CCSER2: variants seen among roughly 807,000 people sequenced by gnomAD.
The protein encoded by CCSER2 is serine-rich coiled-coil domain-containing protein 2.
CCSER2 carries 46 observed loss-of-function variants against 92.3 expected under a neutral mutation model. The observed-to-expected ratio is 0.50, with a 90% CI of 0.39 to 0.64. The LOEUF (loss-of-function observed/expected upper bound fraction) is 0.64, where lower values mean the gene tolerates loss of function less well. Among genes scored for constraint, CCSER2 ranks in the 30% least tolerant of loss-of-function variants. CCSER2 has a pLI of 0.00. For missense variants in CCSER2, 1,244 were observed against 1,238.9 expected (o/e 1.00, Z -0.06); for synonymous variants, 433 against 431.4 (o/e 1.00, Z -0.04).
rs1336775918 is a variant in CCSER2, at chr10:84,513,509, C to G, written c.2386C>G (p.Leu796Val). 2 of 1,614,048 alleles carry G rather than the reference C, an allele frequency of 1.2e-6. No homozygotes were observed. The highest frequency in any genetic ancestry group is 1.7e-5 in the Admixed American group (1 of 59,992). Residue 796 changes from leucine to valine, a missense_variant, in exon 10 of 10, where the codon CTA (leucine) becomes GTA (valine). By Grantham distance (32) the Leu-to-Val change is conservative (BLOSUM62 1). Coordinates refer to ENST00000372088, the MANE Select transcript of CCSER2 (RefSeq NM_001284240.2). ...ACCCACAGATCACACCCAGGGAAAACTAATAAAGCCACAACGTATCGAGGC... is the reference window on the plus strand; with the variant it reads ...ACCCACAGATCACACCCAGGGAAAAGTAATAAAGCCACAACGTATCGAGGC... ...PRPTDHTQGK[L>V]IKPQRIEARS...
chr10:84,443,143 AAATGGGATCT>A (rs1202960746), intron 6 of CCSER2, among the ~76,000 whole-genome samples: 1 of 152,248 alleles, frequency 6.6e-6, no homozygotes, highest in African/African-American at 2.4e-5. Context: ...CAAAATTGAC[AAATGGGATCT>A]AATTAAACTA....
At chr10:84,367,707 CTT>C (rs71013317) in intron 1 of CCSER2, among the ~76,000 whole-genome samples, 2 of 141,450 alleles carry the variant, frequency 1.4e-5, no homozygotes, top group African/African-American at 5.2e-5. Flanking sequence ...CTTTTCCTTG[CTT>C]TTTTTTTTTT....
intron 6 of CCSER2, among the ~76,000 whole-genome samples, chr10:84,457,359 A>AT (rs1564685339): frequency 6.4e-5 from 2 of 31,388 alleles, no homozygotes; most frequent in Non-Finnish European, 1.8e-4. Flanking sequence ...TAATATATAT[A>AT]TTTATTTTAA....
chr10:84,483,456 A>T (rs1402827873), intron 9 of CCSER2, among the ~76,000 whole-genome samples: 1 of 152,008 alleles, frequency 6.6e-6, no homozygotes, highest in Non-Finnish European at 1.5e-5. Context: ...GTATTTTCCC[A>T]TCATAAATAT....
intron 1 of CCSER2, among the ~76,000 whole-genome samples, chr10:84,333,417 T>C (rs577612135): frequency 3.3e-5 from 5 of 152,306 alleles, no homozygotes; most frequent in East Asian, 1.9e-4. Context: ...TATGAAAATA[T>C]AGAGACTGTG....
At chr10:84,382,992 A>G (rs1840995835) in intron 3 of CCSER2, among the ~76,000 whole-genome samples, 1 of 152,232 alleles carries the variant, frequency 6.6e-6, no homozygotes, top group South Asian at 2.1e-4. Flanking sequence ...TTGGGTTTCT[A>G]CCTTGTGACT....
intron 9 of CCSER2, among the ~76,000 whole-genome samples, chr10:84,480,444 A>G (rs1377035716): frequency 1.3e-5 from 2 of 152,220 alleles, no homozygotes; most frequent in Non-Finnish European, 2.9e-5. Flanking sequence ...ATGTGAGTAC[A>G]AAGAAATCTT....
At chr10:84,498,864 T>C (rs1848581541) in intron 9 of CCSER2, among the ~76,000 whole-genome samples, 1 of 152,216 alleles carries the variant, frequency 6.6e-6, no homozygotes, top group Admixed American at 6.5e-5. Context: ...CATTGAACAG[T>C]TACTTTCTTG....
chr10:84,432,146 A>G (rs1396152015), intron 5 of CCSER2, among the ~76,000 whole-genome samples: 1 of 152,228 alleles, frequency 6.6e-6, no homozygotes, highest in Non-Finnish European at 1.5e-5. Context: ...TTCCCTAATG[A>G]TAAATGATGT....
intron 9 of CCSER2, among the ~76,000 whole-genome samples, chr10:84,480,642 G>A (rs1267513163): frequency 6.6e-6 from 1 of 152,082 alleles, no homozygotes; most frequent in Non-Finnish European, 1.5e-5. Flanking sequence ...GAGAGATAAC[G>A]ATATATTTAT....
chr10:84,475,379 C>T (rs1344738861), intron 8 of CCSER2, among the ~76,000 whole-genome samples: 1 of 152,122 alleles, frequency 6.6e-6, no homozygotes, highest in Admixed American at 6.5e-5. Flanking sequence ...TGACATGTCA[C>T]TAGAAACTAG....
At chr10:84,473,556 T>C (rs1846945642) in intron 8 of CCSER2, among the ~76,000 whole-genome samples, 1 of 152,174 alleles carries the variant, frequency 6.6e-6, no homozygotes, top group Admixed American at 6.5e-5. Context: ...CACTCAAAGA[T>C]TTTAACAGTA....
intron 3 of CCSER2, among the ~76,000 whole-genome samples, chr10:84,401,367 G>T (rs777703776): frequency 2.6e-5 from 4 of 152,100 alleles, no homozygotes; most frequent in Non-Finnish European, 5.9e-5. Flanking sequence ...AAAAGATACC[G>T]CTACAAACTC....
rs182411502 is a variant in CCSER2, at chr10:84,339,927, C to T, written c.-40+11119C>T. On this transcript the variant is annotated intron_variant, in intron 1 of 9. Transcript: ENST00000372088. ...CACAATCTCTGCTCACAGCAGCCTCCGCCTCCCAGGTTCAAGCAATTCTCC... is the reference window on the plus strand; with the variant it reads ...CACAATCTCTGCTCACAGCAGCCTCTGCCTCCCAGGTTCAAGCAATTCTCC... Among the ~76,000 whole-genome samples, 27 of 152,042 alleles carry T rather than the reference C, an allele frequency of 1.8e-4. 1 individual carries two copies. The highest frequency in any genetic ancestry group is 1.3e-3 in the Admixed American group (20 of 15,280).
intron 9 of CCSER2, among the ~76,000 whole-genome samples, chr10:84,495,211 C>T (rs191236470): frequency 1.3e-5 from 2 of 149,042 alleles, no homozygotes; most frequent in East Asian, 4.0e-4. Flanking sequence ...TCCTCTCTGA[C>T]TGACCCATGG....
chr10:84,336,155 A>G (rs1843825521), intron 1 of CCSER2, among the ~76,000 whole-genome samples: 2 of 152,156 alleles, frequency 1.3e-5, no homozygotes, highest in Non-Finnish European at 2.9e-5. Flanking sequence ...TCTTGCAGTC[A>G]TGTTTTTCCA....
chr10:84,503,150 C>T (rs1406804073), intron 9 of CCSER2, among the ~76,000 whole-genome samples: 1 of 152,026 alleles, frequency 6.6e-6, no homozygotes, highest in Admixed American at 6.5e-5. Context: ...ATGGCGTGAA[C>T]CCATGAGGCG....
chr10:84,496,372 G>A lies in CCSER2; in HGVS notation c.2326-17077G>A, dbSNP rs557748213. The stretch of plus-strand genomic sequence containing the variant: ...GTGATCTCGGCTCACAGCAAGCTCC[G>A]CCTCCTGGGTTCATGCTGTTCTCCT... On this transcript the variant is annotated intron_variant, in intron 9 of 9. Transcript: ENST00000372088. 2.5e-3 allele frequency among the ~76,000 whole-genome samples: 379 copies of A among 152,102 alleles called. 1 individual carries two copies. Among genetic ancestry groups the A allele is most frequent in the African/African-American group, 8.4e-3 (347 of 41,494 alleles).
In CCSER2 at chr10:84,403,494, C is replaced by T. The variant is rs533867869; in HGVS notation, c.1615-14277C>T. On this transcript the variant is annotated intron_variant, in intron 3 of 9. Coordinates refer to ENST00000372088, the MANE Select transcript of CCSER2 (RefSeq NM_001284240.2). ...AAAAACTCTATTAAGAGGATGAAAA[C>T]AAGCTACAGCGTGGGAGAAGAACTT... Among the ~76,000 whole-genome samples, 3 of 152,214 alleles carry T rather than the reference C, an allele frequency of 2.0e-5. No individual in the cohort carries two copies. In the South Asian group the frequency reaches 6.2e-4, roughly 32 times the overall value.
Sources: gnomAD v4.1 joint callset for allele counts (sites outside exome capture counted in the v4.1 genomes callset) on GRCh38, gnomAD v4.1.1 for gene constraint, MANE v1.5 for transcripts, NCBI Gene and HGNC (gene_info 2026-07-23, HGNC 2026-07-21) for gene names.